RERE: variants seen among roughly 807,000 people sequenced by gnomAD.
RERE encodes arginine-glutamic acid dipeptide repeats protein.
In RERE, 40 loss-of-function variants were observed where a neutral mutation model predicts 146.1. The observed-to-expected ratio is 0.27, with a 90% CI of 0.21 to 0.36. The LOEUF (loss-of-function observed/expected upper bound fraction) is 0.36, where lower values mean the gene tolerates loss of function less well. RERE is among the 10% of genes least tolerant of loss of function. The pLI, the probability that RERE is intolerant of heterozygous loss-of-function variation, is 1.00. For synonymous variants in RERE, 1,003 were observed against 866.0 expected, an observed-to-expected ratio of 1.16 and a Z score of -2.78; for missense variants, 1,933 against 2,138.7, an observed-to-expected ratio of 0.90 and a Z score of 1.90.
intron 7 of RERE, among the ~76,000 whole-genome samples, chr1:8,530,055 G>A (rs147225759): frequency 5.9e-4 from 90 of 152,086 alleles, no homozygotes; most frequent in African/African-American, 1.7e-3. Context: ...CTAGCCCATC[G>A]TTTGCCAGCC....
At chr1:8,650,942 A>T (rs1016572047) in intron 2 of RERE, among the ~76,000 whole-genome samples, 8 of 146,460 alleles carry the variant, frequency 5.5e-5, no homozygotes, top group Non-Finnish European at 1.2e-4. Context: ...AATAAATAAA[A>T]ATAAATTAGC....
intron 10 of RERE, among the ~76,000 whole-genome samples, chr1:8,468,048 A>C (rs1644626386): frequency 6.6e-6 from 1 of 152,244 alleles, no homozygotes; most frequent in Non-Finnish European, 1.5e-5. Flanking sequence ...TTTTAAATCA[A>C]GACTGGGAAG....
chr1:8,716,868 G>A (rs1639775078), intron 1 of RERE, among the ~76,000 whole-genome samples: 1 of 152,034 alleles, frequency 6.6e-6, no homozygotes, highest in South Asian at 2.1e-4. Flanking sequence ...TTAAGACGTA[G>A]GCATCGGACT....
intron 1 of RERE, among the ~76,000 whole-genome samples, chr1:8,683,436 A>G (rs1475208138): frequency 1.3e-5 from 2 of 152,132 alleles, no homozygotes; most frequent in South Asian, 2.1e-4. Flanking sequence ...AAGAGAAAAG[A>G]CGGGGAGGGA....
chr1:8,642,995 T>C (rs116808809), intron 2 of RERE, among the ~76,000 whole-genome samples: 1,936 of 152,312 alleles, frequency 0.013, 38 homozygotes, highest in African/African-American at 0.043. Context: ...CTAGACACTT[T>C]TCCAAGTACC....
intron 1 of RERE, among the ~76,000 whole-genome samples, chr1:8,677,037 G>A (rs1444460804): frequency 6.6e-6 from 1 of 152,052 alleles, no homozygotes; most frequent in Middle Eastern, 3.2e-3. Flanking sequence ...GATCCCCTGT[G>A]CTTGAGCTCA....
chr1:8,731,318 T>C (rs993601811), intron 1 of RERE, among the ~76,000 whole-genome samples: 1 of 152,054 alleles, frequency 6.6e-6, no homozygotes, highest in Non-Finnish European at 1.5e-5. Flanking sequence ...GAGGGGAAAG[T>C]AACCATTTTG....
At chr1:8,605,763 AAAAAAAAAC>A (rs1467825558) in intron 4 of RERE, among the ~76,000 whole-genome samples, 4 of 147,588 alleles carry the variant, frequency 2.7e-5, no homozygotes, top group South Asian at 2.1e-4. Context: ...AAAAAAAAAA[AAAAAAAAAC>A]CCCTAAAAAA....
At chr1:8,556,402 G>C in intron 6 of RERE, 73 bp downstream of exon 6, 1 of 888,362 alleles carries the variant, frequency 1.1e-6, no homozygotes, top group Non-Finnish European at 1.9e-6. Flanking sequence ...TAAAAGATCA[G>C]GAGAAATTAC....
intron 1 of RERE, among the ~76,000 whole-genome samples, chr1:8,669,300 TC>T (rs1638659411): frequency 6.6e-6 from 1 of 152,042 alleles, no homozygotes; most frequent in South Asian, 2.1e-4. Context: ...GGTTTCAAAT[TC>T]CTGGGCTCAA....
chr1:8,378,961 A>G (rs1294838298), intron 12 of RERE, among the ~76,000 whole-genome samples: 1 of 152,214 alleles, frequency 6.6e-6, no homozygotes, highest in African/African-American at 2.4e-5. Context: ...TGTGGGAAAC[A>G]GCAAAATAAT....
intron 1 of RERE, among the ~76,000 whole-genome samples, chr1:8,741,154 T>G (rs1640298886): frequency 1.3e-5 from 2 of 152,190 alleles, no homozygotes; most frequent in South Asian, 4.1e-4. Context: ...TCCATTATAA[T>G]CTCATGGAAC....
chr1:8,609,299 G>A (rs1440387056), intron 4 of RERE, among the ~76,000 whole-genome samples: 1 of 152,090 alleles, frequency 6.6e-6, no homozygotes. Flanking sequence ...GAACAGAGCT[G>A]AAAGCAGGCC....
chr1:8,403,333 GT>G (rs1643328015), intron 12 of RERE, among the ~76,000 whole-genome samples: 1 of 151,934 alleles, frequency 6.6e-6, no homozygotes, highest in Non-Finnish European at 1.5e-5. Flanking sequence ...GTGGGTTTGT[GT>G]ATTTAAAATT....
chr1:8,534,868 C>G (rs929448459), intron 7 of RERE, among the ~76,000 whole-genome samples: 2 of 152,184 alleles, frequency 1.3e-5, no homozygotes, highest in Non-Finnish European at 2.9e-5. Context: ...TGTATACTGA[C>G]AGGATACAGA....
intron 11 of RERE, among the ~76,000 whole-genome samples, chr1:8,455,335 G>C (rs984620568): frequency 6.6e-6 from 1 of 152,220 alleles, no homozygotes; most frequent in Non-Finnish European, 1.5e-5. Flanking sequence ...CCTGAACTGG[G>C]GGAACAGTGC....
intron 2 of RERE, among the ~76,000 whole-genome samples, chr1:8,628,505 T>C (rs1197050398): frequency 6.6e-6 from 1 of 152,108 alleles, no homozygotes; most frequent in Non-Finnish European, 1.5e-5. Context: ...CTCTGACAAA[T>C]ATTAGGATGA....
intron 12 of RERE, among the ~76,000 whole-genome samples, chr1:8,376,748 C>T (rs1354659562): frequency 6.6e-6 from 1 of 152,216 alleles, no homozygotes; most frequent in African/African-American, 2.4e-5. Flanking sequence ...GATACGGGCT[C>T]TGCCCAAAAA....
At chr1:8,747,615 T>C (rs1302555478) in intron 1 of RERE, among the ~76,000 whole-genome samples, 1 of 152,132 alleles carries the variant, frequency 6.6e-6, no homozygotes, top group Non-Finnish European at 1.5e-5. Context: ...TACAGAACTA[T>C]CTTCCTAAAC....
Sources: allele counts gnomAD v4.1 joint callset (sites outside exome capture counted in the v4.1 genomes callset), GRCh38; gene constraint gnomAD v4.1.1; transcripts MANE v1.5; gene names NCBI Gene and HGNC (gene_info 2026-07-23, HGNC 2026-07-21).